The following AKR1C8 variants were observed in gnomAD, a reference collection of about 807,000 sequenced individuals.
AKR1C8 encodes the protein aldo-keto reductase family 1 member C-like protein 1.
At chr10:5,179,557 A>G in the AKR1C8 span, among the ~76,000 whole-genome samples, 1 of 151,760 alleles carries the variant, frequency 6.6e-6, no homozygotes, top group African/African-American at 2.4e-5. Flanking sequence ...TCTCCTGGAT[A>G]ATATCCTGCA....
chr10:5,179,268 G>T, the AKR1C8 span, among the ~76,000 whole-genome samples: 18 of 152,190 alleles, frequency 1.2e-4, no homozygotes, highest in Admixed American at 3.9e-4. Context: ...TGAAATTCTG[G>T]GTTGAAAATT....
the AKR1C8 span, among the ~76,000 whole-genome samples, chr10:5,174,090 T>C: frequency 6.6e-6 from 1 of 152,042 alleles, no homozygotes; most frequent in Non-Finnish European, 1.5e-5. Flanking sequence ...TCTCAAAATC[T>C]ATTTTTGTCT....
At chr10:5,162,018 T>C in the AKR1C8 span, 12 of 514,148 alleles carry the variant, frequency 2.3e-5, no homozygotes, top group South Asian at 8.8e-5. Context: ...TTTCACACAT[T>C]TGAGGACAAA....
At chr10:5,155,502 G>A in the AKR1C8 span, 1 of 290,360 alleles carries the variant, frequency 3.4e-6, no homozygotes, top group African/African-American at 2.2e-5. Flanking sequence ...CATTTCTGCT[G>A]GGTCAGAGAT....
chr10:5,125,823 T>A, the AKR1C8 span, among the ~76,000 whole-genome samples: 1 of 152,152 alleles, frequency 6.6e-6, no homozygotes, highest in Non-Finnish European at 1.5e-5. Context: ...ACAGGTCACA[T>A]CACAGGATCC....
the AKR1C8 span, among the ~76,000 whole-genome samples, chr10:5,167,116 T>A: frequency 1.3e-5 from 2 of 151,238 alleles, no homozygotes; most frequent in South Asian, 2.1e-4. Context: ...ATGGTGATCA[T>A]TAAAAAGTCA....
the AKR1C8 span, chr10:5,161,794 T>C: frequency 1.3e-5 from 7 of 534,612 alleles, no homozygotes; most frequent in African/African-American, 9.6e-5. Context: ...AATTAGATAA[T>C]TCAGATGCTT....
the AKR1C8 span, among the ~76,000 whole-genome samples, chr10:5,181,773 T>C: frequency 5.6e-4 from 85 of 152,298 alleles, no homozygotes; most frequent in East Asian, 0.016. Context: ...CCAAATTACT[T>C]TGTCAATCAT....
chr10:5,121,555 T>C, the AKR1C8 span, among the ~76,000 whole-genome samples: 1 of 151,988 alleles, frequency 6.6e-6, no homozygotes, highest in Non-Finnish European at 1.5e-5. Context: ...TAATGCCACA[T>C]TAAGGAGAAA....
chr10:5,170,912 C>T, the AKR1C8 span, among the ~76,000 whole-genome samples: 15 of 152,024 alleles, frequency 9.9e-5, no homozygotes, highest in East Asian at 1.4e-3. Context: ...TCAGGTAGAC[C>T]GAAACAAGTA....
the AKR1C8 span, among the ~76,000 whole-genome samples, chr10:5,163,418 G>A: frequency 2.0e-5 from 3 of 152,140 alleles, no homozygotes; most frequent in South Asian, 6.2e-4. Context: ...TAAGCACATT[G>A]TTCTATCATT....
the AKR1C8 span, among the ~76,000 whole-genome samples, chr10:5,162,532 C>T: frequency 6.6e-6 from 1 of 152,114 alleles, no homozygotes; most frequent in African/African-American, 2.4e-5. Flanking sequence ...AATATGTGAC[C>T]TTACTTGCTA....
chr10:5,138,720 C>T, the AKR1C8 span, among the ~76,000 whole-genome samples: 6 of 152,074 alleles, frequency 3.9e-5, no homozygotes, highest in Admixed American at 1.3e-4. Context: ...CAGCTCCAGT[C>T]GGTCCCTCCA....
chr10:5,122,504 C>T, the AKR1C8 span, among the ~76,000 whole-genome samples: 7 of 152,138 alleles, frequency 4.6e-5, no homozygotes, highest in Non-Finnish European at 1.0e-4. Flanking sequence ...CTGGACTTGA[C>T]CACACTTGGT....
At chr10:5,135,913 G>A in the AKR1C8 span, among the ~76,000 whole-genome samples, 1 of 152,006 alleles carries the variant, frequency 6.6e-6, no homozygotes, top group Non-Finnish European at 1.5e-5. Context: ...CATTCCTGAT[G>A]AAAATGCAGT....
the AKR1C8 span, among the ~76,000 whole-genome samples, chr10:5,139,521 G>C: frequency 6.6e-6 from 1 of 152,104 alleles, no homozygotes; most frequent in Non-Finnish European, 1.5e-5. Context: ...TCTGATCTTT[G>C]ATAAACCTGA....
chr10:5,167,352 C>T, the AKR1C8 span, among the ~76,000 whole-genome samples: 9 of 152,148 alleles, frequency 5.9e-5, no homozygotes, highest in Non-Finnish European at 1.3e-4. Context: ...TATTGCGGCA[C>T]TATTCACAAT....
chr10:5,128,891 A>G, the AKR1C8 span, among the ~76,000 whole-genome samples: 1 of 152,098 alleles, frequency 6.6e-6, no homozygotes, highest in Admixed American at 6.6e-5. Context: ...GGCAGAAAGT[A>G]AATAGGAAAC....
chr10:5,147,071 GCC>G, the AKR1C8 span, among the ~76,000 whole-genome samples: 1 of 152,140 alleles, frequency 6.6e-6, no homozygotes, highest in Non-Finnish European at 1.5e-5. Flanking sequence ...TCTGGTGAGG[GCC>G]CCAGGCTGCT....
Sources: gnomAD v4.1 joint callset for allele counts (sites outside exome capture counted in the v4.1 genomes callset) on GRCh38, gnomAD v4.1.1 for gene constraint, MANE v1.5 for transcripts, NCBI Gene and HGNC (gene_info 2026-07-23, HGNC 2026-07-21) for gene names.